The following PALD1 variants were observed in gnomAD, a reference collection of about 807,000 sequenced individuals.
PALD1 encodes the protein paladin.
A neutral mutation model predicts 96.0 loss-of-function variants in PALD1; 57 were observed. The ratio of observed to expected loss-of-function variants is 0.59; its 90% CI spans 0.48 to 0.74. The LOEUF (loss-of-function observed/expected upper bound fraction) is 0.74, where lower values mean the gene tolerates loss of function less well. PALD1 is among the 30% of genes least tolerant of loss of function. PALD1 has a pLI of 0.00. For synonymous variants in PALD1, 464 were observed against 473.6 expected (o/e 0.98, Z 0.26); for missense variants, 1,063 against 1,143.7 (o/e 0.93, Z 1.02).
At chr10:70,503,479 T>TA in intron 1 of PALD1, among the ~76,000 whole-genome samples, 1 of 151,894 alleles carries the variant, frequency 6.6e-6, no homozygotes, top group Non-Finnish European at 1.5e-5. Flanking sequence ...CTACTAAAAA[T>TA]ACAAAAATTA....
chr10:70,461,586 G>C, the PALD1 span, among the ~76,000 whole-genome samples: 1 of 152,190 alleles, frequency 6.6e-6, no homozygotes, highest in African/African-American at 2.4e-5. Context: ...TGGCCTCCCA[G>C]ACCAGAGCTT....
chr10:70,538,931 G>C lies in PALD1; in HGVS notation c.1492G>C (p.Val498Leu). 7 of 1,613,824 alleles carry C rather than the reference G, an allele frequency of 4.3e-6. No individual in the cohort carries two copies. Among genetic ancestry groups the C allele is most frequent in the Non-Finnish European group, 5.9e-6 (7 of 1,179,988 alleles). Residue 498 changes from valine (V) to leucine (L), a missense_variant, in exon 13 of 20, where the codon GTC (valine) becomes CTC (leucine). Transcript: ENST00000263563. ...GGTCTCCCCGGACGCGCTCAGCACT[G>C]TCAGAGAGATGGATGTGGCCAACTT... is the stretch of plus-strand genomic sequence containing the variant. ...DLVSPDALST[V>L]REMDVANFRR...
chr10:70,533,933 C>G lies in PALD1; in HGVS notation c.882C>G (p.Ser294Arg). The G allele has an allele frequency of 6.3e-7, 1 of 1,599,880 alleles. No individual in the cohort carries two copies. Among genetic ancestry groups the G allele is most frequent in the Non-Finnish European group, 8.5e-7 (1 of 1,171,944 alleles). ...AFVSVLRETPSLLQLRDAHGP... is the reference protein window; with the variant it reads ...AFVSVLRETPRLLQLRDAHGP... ...ATGGTCTTTCCCAGGAGACCCCCAG[C>G]CTGCTGCAGCTCCGTGATGCCCACG... is the stretch of plus-strand genomic sequence containing the variant. The change falls in exon 8 of 20, where the codon AGC (serine) becomes AGG (arginine). Residue 294 changes from serine to arginine, a missense_variant. Physicochemically the swap from Ser to Arg is moderately radical, Grantham distance 110. Transcript: ENST00000263563.
intron 1 of PALD1, among the ~76,000 whole-genome samples, chr10:70,509,811 C>T (rs1564690942): frequency 6.6e-6 from 1 of 152,288 alleles, no homozygotes; most frequent in Non-Finnish European, 1.5e-5. Context: ...GGGCAGGAAG[C>T]GCTGCAGCTT....
chr10:70,557,869 G>A (rs1478833407), intron 18 of PALD1, among the ~76,000 whole-genome samples: 7 of 151,464 alleles, frequency 4.6e-5, no homozygotes, highest in Non-Finnish European at 3.0e-5. Flanking sequence ...TGGCAGGGTG[G>A]GGAGTGTTGC....
intron 1 of PALD1, among the ~76,000 whole-genome samples, chr10:70,520,778 G>T (rs1293453809): frequency 7.4e-6 from 1 of 134,382 alleles, no homozygotes; most frequent in Admixed American, 8.8e-5. Context: ...TGCAATCTCT[G>T]CCTTCTGGGT....
upstream of PALD1, among the ~76,000 whole-genome samples, chr10:70,475,417 C>T (rs1845811280): frequency 6.6e-6 from 1 of 152,136 alleles, no homozygotes; most frequent in Non-Finnish European, 1.5e-5. Context: ...GGCGAAATCA[C>T]AGGCCACAAG....
chr10:70,470,991 G>A, the PALD1 span, among the ~76,000 whole-genome samples: 2 of 148,806 alleles, frequency 1.3e-5, no homozygotes, highest in Admixed American at 6.7e-5. Context: ...TTTTTTTTGT[G>A]GTACTTTTAG....
At chr10:70,532,803 C>G (rs1847023306) in intron 6 of PALD1, 22 bp downstream of exon 6, 1 of 1,612,338 alleles carries the variant, frequency 6.2e-7, no homozygotes, top group South Asian at 1.1e-5. Flanking sequence ...CCACCCCCAG[C>G]CCTGGCCATG....
intron 17 of PALD1, among the ~76,000 whole-genome samples, chr10:70,544,889 A>G (rs1490720232): frequency 6.6e-6 from 1 of 152,198 alleles, no homozygotes; most frequent in Non-Finnish European, 1.5e-5. Context: ...ACTTGGTTGC[A>G]ACTCCATGCC....
chr10:70,529,209 C>CAA lies in PALD1; in HGVS notation c.186-20_186-19insAA. On this transcript the variant is annotated intron_variant, in intron 2 of 19. Transcript: ENST00000263563. The stretch of plus-strand genomic sequence containing the variant: ...GTTGCTTGACTCAGTTTCCATTCTG[C>CAA]CCCCCCCCCCCCCCCCCAGGTACAA... 1 of 4,438 alleles carries CAA rather than the reference C, an allele frequency of 2.3e-4. No individual in the cohort carries two copies. 0.3% of individuals were successfully genotyped at this position (4,438 alleles called of 1,614,324 possible).
chr10:70,556,262 G>C (rs1034702655), intron 18 of PALD1, among the ~76,000 whole-genome samples: 10 of 121,118 alleles, frequency 8.3e-5, no homozygotes, highest in Non-Finnish European at 1.6e-4. Context: ...TAGGGCACAT[G>C]TTCTCAGTAG....
the PALD1 span, among the ~76,000 whole-genome samples, chr10:70,472,979 T>G: frequency 2.0e-5 from 3 of 152,224 alleles, no homozygotes; most frequent in Non-Finnish European, 4.4e-5. Context: ...TATCCCCATT[T>G]TACAGATGTG....
At chr10:70,552,738 C>T (rs1359755694) in intron 18 of PALD1, among the ~76,000 whole-genome samples, 1 of 152,210 alleles carries the variant, frequency 6.6e-6, no homozygotes, top group East Asian at 1.9e-4. Context: ...AAACAATGGA[C>T]AGTCGCTACT....
the PALD1 span, among the ~76,000 whole-genome samples, chr10:70,470,520 TTTA>T: frequency 1.6e-5 from 2 of 122,816 alleles, no homozygotes; most frequent in Admixed American, 8.6e-5. Flanking sequence ...ATAAGTGTGA[TTTA>T]TTATTTTTTA....
intron 1 of PALD1, among the ~76,000 whole-genome samples, chr10:70,512,914 A>G (rs1846540737): frequency 6.6e-6 from 1 of 152,148 alleles, no homozygotes; most frequent in East Asian, 1.9e-4. Context: ...GGAGATCTAG[A>G]TTTTTATTTG....
rs375604023 is a variant in PALD1, at chr10:70,483,215, A to G, written c.-30+4156A>G. Among the ~76,000 whole-genome samples, 26 of 152,080 alleles carry G rather than the reference A, an allele frequency of 1.7e-4. No individual in the cohort carries two copies. The East Asian group carries it at 5.0e-3, about 29-fold the overall frequency. On this transcript the variant is annotated intron_variant, in intron 1 of 19. Transcript: ENST00000263563. ...GATGGCCAGGAGTTTGCAAAGGAGG[A>G]GGGCAAGGCTTCCCCAGCAGAAAGA...
chr10:70,515,412 G>A (rs1451739446), intron 1 of PALD1, among the ~76,000 whole-genome samples: 2 of 152,234 alleles, frequency 1.3e-5, no homozygotes, highest in Admixed American at 6.5e-5. Flanking sequence ...TGGTTGTTAA[G>A]GAGGGTGGCT....
At chr10:70,512,389 C>T (rs1047327037) in intron 1 of PALD1, among the ~76,000 whole-genome samples, 6 of 152,240 alleles carry the variant, frequency 3.9e-5, no homozygotes, top group African/African-American at 1.4e-4. Context: ...CCAATGGGGA[C>T]ATCAGTCCTG....
Sources: gnomAD v4.1 joint callset for allele counts (sites outside exome capture counted in the v4.1 genomes callset) on GRCh38, gnomAD v4.1.1 for gene constraint, MANE v1.5 for transcripts, NCBI Gene and HGNC (gene_info 2026-07-23, HGNC 2026-07-21) for gene names.